The following RGS6 variants were observed in gnomAD, a reference collection of about 807,000 sequenced individuals.
RGS6 encodes regulator of G protein signaling 6.
A neutral mutation model predicts 78.5 loss-of-function variants in RGS6; 30 were observed. That is an observed-to-expected ratio of 0.38 (90% CI 0.29 to 0.52). The LOEUF (loss-of-function observed/expected upper bound fraction) is 0.52, where lower values mean the gene tolerates loss of function less well. Ranked by LOEUF, RGS6 falls within the 20% of genes least tolerant of loss-of-function variation. The pLI, the probability that RGS6 is intolerant of heterozygous loss-of-function variation, is 0.85. For synonymous variants in RGS6, 206 were observed against 206.0 expected (o/e 1.00, Z 0.00); for missense variants, 495 against 609.7 (o/e 0.81, Z 1.98).
At chr14:72,330,058 C>T (rs536722362) in intron 2 of RGS6, among the ~76,000 whole-genome samples, 60 of 152,338 alleles carry the variant, frequency 3.9e-4, no homozygotes, top group African/African-American at 1.3e-3. Flanking sequence ...AGCAGGTTCA[C>T]AGTCAACGTT....
In RGS6 at chr14:72,031,078, A is replaced by G. The variant is rs145245261; in HGVS notation, c.84+66203A>G. ...GTGGGTAAGCATAAATATATACTGA[A>G]TAGATTCAGACATTGGCCAAGTAGA... On this transcript the variant is annotated intron_variant, in intron 2 of 17. Transcript: ENST00000553525. Among the ~76,000 whole-genome samples, 22 of 152,122 alleles carry G rather than the reference A, an allele frequency of 1.4e-4. No individual in the cohort carries two copies. The East Asian group carries it at 4.2e-3, about 29-fold the overall frequency.
chr14:72,346,300 A>G (rs1301222072), intron 2 of RGS6, among the ~76,000 whole-genome samples: 1 of 152,236 alleles, frequency 6.6e-6, no homozygotes, highest in Non-Finnish European at 1.5e-5. Flanking sequence ...ATTTATAGAA[A>G]AAAAATTAAT....
At chr14:72,339,020 G>A (rs1265700847) in intron 2 of RGS6, among the ~76,000 whole-genome samples, 1 of 152,150 alleles carries the variant, frequency 6.6e-6, no homozygotes, top group Non-Finnish European at 1.5e-5. Context: ...TTATCCTTTA[G>A]AATTGATAAA....
intron 15 of RGS6, among the ~76,000 whole-genome samples, chr14:72,525,469 A>G (rs900612556): frequency 1.3e-5 from 2 of 152,236 alleles, no homozygotes; most frequent in Admixed American, 6.5e-5. Context: ...TCTGCGTGAT[A>G]AAAGAGCTGA....
the RGS6 span, among the ~76,000 whole-genome samples, chr14:72,596,405 T>C: frequency 6.6e-6 from 1 of 152,206 alleles, no homozygotes; most frequent in African/African-American, 2.4e-5. Flanking sequence ...TCAGCTGATT[T>C]AGCAACCTTA....
At chr14:72,189,495 T>C (rs909685237) in intron 2 of RGS6, among the ~76,000 whole-genome samples, 2 of 152,308 alleles carry the variant, frequency 1.3e-5, no homozygotes, top group Admixed American at 1.3e-4. Context: ...GTGTCAGATA[T>C]TCAGGCACGA....
At chr14:72,266,059 C>A (rs2059018095) in intron 2 of RGS6, among the ~76,000 whole-genome samples, 1 of 152,186 alleles carries the variant, frequency 6.6e-6, no homozygotes, top group Admixed American at 6.5e-5. Context: ...AACTGTTTCC[C>A]TATCATCACT....
intron 1 of RGS6, among the ~76,000 whole-genome samples, chr14:71,955,187 A>G (rs1170095998): frequency 6.6e-6 from 1 of 152,136 alleles, no homozygotes; most frequent in Non-Finnish European, 1.5e-5. Flanking sequence ...TTCCTCAGGG[A>G]CGCTGTGTCT....
intron 2 of RGS6, among the ~76,000 whole-genome samples, chr14:72,138,802 C>G (rs953761727): frequency 6.6e-6 from 1 of 152,010 alleles, no homozygotes; most frequent in Non-Finnish European, 1.5e-5. Flanking sequence ...GAATCTAATG[C>G]CTGATGATCT....
chr14:72,620,278 G>A, the RGS6 span, among the ~76,000 whole-genome samples: 1 of 152,060 alleles, frequency 6.6e-6, no homozygotes, highest in African/African-American at 2.4e-5. Context: ...AAATTTAAAG[G>A]GATCCCTTAT....
intron 2 of RGS6, among the ~76,000 whole-genome samples, chr14:72,172,785 G>A (rs766739032): frequency 3.3e-5 from 5 of 152,168 alleles, no homozygotes; most frequent in African/African-American, 4.8e-5. Context: ...TCCACCTGAG[G>A]ACTTGAATGT....
intron 2 of RGS6, among the ~76,000 whole-genome samples, chr14:72,193,707 A>T (rs2039302202): frequency 6.6e-6 from 1 of 152,216 alleles, no homozygotes; most frequent in Non-Finnish European, 1.5e-5. Flanking sequence ...TAGCCAAGGA[A>T]AGCCTTGCAA....
intron 2 of RGS6, among the ~76,000 whole-genome samples, chr14:72,224,692 G>C (rs1455894458): frequency 6.6e-6 from 1 of 152,090 alleles, no homozygotes; most frequent in East Asian, 1.9e-4. Flanking sequence ...GAAAGGCGTG[G>C]AACTTGATTC....
In RGS6 at chr14:72,143,121, G is replaced by A. The variant is rs572963960; in HGVS notation, c.84+178246G>A. Among the ~76,000 whole-genome samples, 13 of 152,178 alleles carry A rather than the reference G, an allele frequency of 8.5e-5. No homozygotes were observed. The South Asian group carries it at 2.3e-3, about 27-fold the overall frequency. The stretch of plus-strand genomic sequence containing the variant: ...CATGGCTCACATCTATAATCCCAGC[G>A]CTTTGGGAGGCTGATGCGGGTGGAT... On this transcript the variant is annotated intron_variant, in intron 2 of 17. Coordinates refer to ENST00000553525, the MANE Select transcript of RGS6 (RefSeq NM_001204424.2).
chr14:71,966,151 T>G (rs552010266), intron 2 of RGS6, among the ~76,000 whole-genome samples: 7 of 152,326 alleles, frequency 4.6e-5, no homozygotes, highest in African/African-American at 1.4e-4. Flanking sequence ...AGGAAATAAG[T>G]TAATGTTCAT....
the RGS6 span, among the ~76,000 whole-genome samples, chr14:72,609,226 A>G: frequency 5.3e-5 from 8 of 152,286 alleles, no homozygotes; most frequent in South Asian, 2.1e-4. Context: ...CCAAAGAAGA[A>G]GGCTGCTCGA....
At chr14:72,426,119 C>T (rs1296503078) in intron 3 of RGS6, among the ~76,000 whole-genome samples, 1 of 151,980 alleles carries the variant, frequency 6.6e-6, no homozygotes, top group African/African-American at 2.4e-5. Context: ...TTGTTGCGAA[C>T]GTATGTTTAT....
At chr14:72,382,482 T>A (rs2086423039) in intron 3 of RGS6, among the ~76,000 whole-genome samples, 1 of 152,178 alleles carries the variant, frequency 6.6e-6, no homozygotes, top group African/African-American at 2.4e-5. Context: ...GGAATGCTAA[T>A]CGAATGCTGG....
intron 2 of RGS6, among the ~76,000 whole-genome samples, chr14:71,993,262 C>G (rs2095045085): frequency 6.6e-6 from 1 of 152,096 alleles, no homozygotes; most frequent in South Asian, 2.1e-4. Flanking sequence ...TTTGCTGTGG[C>G]CATGGCAACA....
Sources: gnomAD v4.1 joint callset for allele counts (sites outside exome capture counted in the v4.1 genomes callset) on GRCh38, gnomAD v4.1.1 for gene constraint, MANE v1.5 for transcripts, NCBI Gene and HGNC (gene_info 2026-07-23, HGNC 2026-07-21) for gene names.